Variants in DR1 observed in about 807,000 individuals in gnomAD.
The protein encoded by DR1 is protein Dr1.
DR1 carries 7 observed loss-of-function variants against 19.9 expected under a neutral mutation model. That is an observed-to-expected ratio of 0.35 (90% CI 0.20 to 0.66). The LOEUF (loss-of-function observed/expected upper bound fraction) is 0.66, where lower values mean the gene tolerates loss of function less well. Ranked by LOEUF, DR1 falls within the 30% of genes least tolerant of loss-of-function variation. The pLI, the probability that DR1 is intolerant of heterozygous loss-of-function variation, is 0.66. For synonymous variants in DR1, 76 were observed against 72.5 expected, an observed-to-expected ratio of 1.05 and a Z score of -0.24; for missense variants, 98 against 203.7, an observed-to-expected ratio of 0.48 and a Z score of 3.16.
At chr1:93,352,214 C>T (rs999351185) in intron 1 of DR1, among the ~76,000 whole-genome samples, 3 of 152,254 alleles carry the variant, frequency 2.0e-5, no homozygotes, top group East Asian at 1.9e-4. Flanking sequence ...GGACTACAGG[C>T]GCCTGCCACC....
Position 93,354,001 on chromosome 1 carries a change from G to A in DR1, c.314G>A (p.Ser105Asn). ...GTAGCATTAAAAAGAAGAAAGGCCA[G>A]TTCTCGTTTGGAAAACCTTGGCATT... is the stretch of plus-strand genomic sequence containing the variant. ...KTVALKRRKA[S>N]SRLENLGIPE... is the part of the protein sequence containing the mutation. The change falls in exon 2 of 3, where the codon AGT becomes AAT. Residue 105 changes from serine to asparagine, a missense_variant. Transcript: ENST00000370272. 1 of 1,613,850 alleles carries A rather than the reference G, an allele frequency of 6.2e-7. No individual in the cohort carries two copies. Among genetic ancestry groups the A allele is most frequent in the Non-Finnish European group, 8.5e-7 (1 of 1,179,848 alleles).
Position 93,360,969 on chromosome 1 carries a change from C to A in DR1, c.*330C>A. On this transcript the variant is annotated 3_prime_UTR_variant, in exon 3 of 3. Coordinates refer to ENST00000370272, the MANE Select transcript of DR1 (RefSeq NM_001938.3). ...TTATAAAAATACAGTGAAATTTCTACAAAGCTCTAAATCTGCATTTGCATT... is the reference window on the plus strand; with the variant it reads ...TTATAAAAATACAGTGAAATTTCTAAAAAGCTCTAAATCTGCATTTGCATT... 1 of 177,708 alleles carries A rather than the reference C, an allele frequency of 5.6e-6. No homozygotes were observed. Among genetic ancestry groups the A allele is most frequent in the Non-Finnish European group, 1.2e-5 (1 of 85,324 alleles). 11.0% of individuals were successfully genotyped at this position (177,708 alleles called of 1,614,324 possible).
intron 1 of DR1, among the ~76,000 whole-genome samples, chr1:93,352,359 C>T (rs949068678): frequency 9.2e-5 from 14 of 152,134 alleles, no homozygotes; most frequent in Non-Finnish European, 1.3e-4. Flanking sequence ...CGTGAGCCAC[C>T]GTGCCTGGCC....
chr1:93,363,966 C>T lies in DR1; in HGVS notation c.*3327C>T, dbSNP rs1424552127. The T allele has an allele frequency of 6.6e-6, 1 of 152,120 alleles. No individual in the cohort carries two copies. Among genetic ancestry groups the T allele is most frequent in the Non-Finnish European group, 1.5e-5 (1 of 68,028 alleles). The allele number at this position is 152,120 out of a possible 1,614,324, so 9.4% of individuals were successfully genotyped here. A position where few individuals can be genotyped will look rare whatever the true frequency, so the allele number is the denominator to read the frequency against. On this transcript the variant is annotated 3_prime_UTR_variant, in exon 3 of 3. Coordinates refer to ENST00000370272, the MANE Select transcript of DR1 (RefSeq NM_001938.3). ...TAGTACTGTGTAGAACATTCTTATA[C>T]ATGTCTTTTGGTGAGTGTATACATT...
At chr1:93,352,804 A>G (rs1666931904) in intron 1 of DR1, among the ~76,000 whole-genome samples, 1 of 152,164 alleles carries the variant, frequency 6.6e-6, no homozygotes, top group Admixed American at 6.5e-5. Flanking sequence ...TACCAAAACT[A>G]TAAAATATAA....
intron 2 of DR1, among the ~76,000 whole-genome samples, chr1:93,356,817 G>A (rs972018217): frequency 1.3e-5 from 2 of 151,746 alleles, no homozygotes; most frequent in African/African-American, 4.8e-5. Flanking sequence ...CGCCTCCCGG[G>A]TTCAAGCGAT....
At chr1:93,348,532 A>G (rs1455677754) in intron 1 of DR1, among the ~76,000 whole-genome samples, 1 of 152,008 alleles carries the variant, frequency 6.6e-6, no homozygotes, top group Non-Finnish European at 1.5e-5. Flanking sequence ...TCTTGGGGAG[A>G]GTTGATTCTT....
intron 2 of DR1, among the ~76,000 whole-genome samples, chr1:93,357,800 C>T (rs1355604842): frequency 1.3e-5 from 2 of 152,132 alleles, no homozygotes; most frequent in Non-Finnish European, 2.9e-5. Flanking sequence ...CCTACACCAG[C>T]ACCACCCTAC....
rs761551977 is a variant in DR1, at chr1:93,366,292, C to T, written c.*5653C>T. ...AAATACCGTATTTTGTTTATCAGTT[C>T]ATCCATTAATGGACACTGGGTTGCT... is the stretch of plus-strand genomic sequence containing the variant. On this transcript the variant is annotated 3_prime_UTR_variant, in exon 3 of 3. Transcript: ENST00000370272. 1 of 152,170 alleles carries T rather than the reference C, an allele frequency of 6.6e-6. No individual in the cohort carries two copies. The highest frequency in any genetic ancestry group is 1.5e-5 in the Non-Finnish European group (1 of 68,020). 9.4% of individuals were successfully genotyped at this position (152,170 alleles called of 1,614,324 possible).
rs1331101462 is a variant in DR1, at chr1:93,348,304, TTGTA to T, written c.220+1443_220+1446del. On this transcript the variant is annotated intron_variant, in intron 1 of 2. Transcript: ENST00000370272. ...TTTCCCTTGTGTATTTATTTTTACA[TTGTA>T]TGTGTGATTGCTGTCATAAGTCTTT... is the stretch of plus-strand genomic sequence containing the variant. Among the ~76,000 whole-genome samples the T allele has an allele frequency of 2.6e-5, 4 of 152,120 alleles. No homozygotes were observed. The East Asian group carries it at 7.7e-4, about 29-fold the overall frequency.
rs1667205430 is a variant in DR1 at position 93,369,247 on chromosome 1, T to C, written c.*8608T>C. ...AGAACTTTTTTCCCCAAAAATACTC[T>C]GGAAATACTGGAACAAATACTAAAA... On this transcript the variant is annotated 3_prime_UTR_variant, in exon 3 of 3. Transcript: ENST00000370272. 6.6e-6 allele frequency: 1 copy of C among 152,122 alleles called. No individual in the cohort carries two copies. Among genetic ancestry groups the C allele is most frequent in the Non-Finnish European group, 1.5e-5 (1 of 68,014 alleles). 9.4% of individuals were successfully genotyped at this position (152,122 alleles called of 1,614,324 possible).
At chr1:93,352,291 C>T (rs529669833) in intron 1 of DR1, among the ~76,000 whole-genome samples, 7 of 152,216 alleles carry the variant, frequency 4.6e-5, no homozygotes, top group South Asian at 2.1e-4. Context: ...AGGATGGTCT[C>T]GATTTCCTGA....
chr1:93,346,944 GCCT>G, intron 1 of DR1, 79 bp downstream of exon 1: 1 of 1,269,848 alleles, frequency 7.9e-7, no homozygotes, highest in Non-Finnish European at 1.1e-6. Context: ...TCGTGTCAAA[GCCT>G]CCATTCCTCT....
At position 93,364,205 on chromosome 1, in the gene DR1, G is replaced by A. The variant is rs1667091813; in HGVS notation, c.*3566G>A. The A allele has an allele frequency of 6.6e-6, 1 of 152,186 alleles. No homozygotes were observed. Among genetic ancestry groups the A allele is most frequent in the African/African-American group, 2.4e-5 (1 of 41,442 alleles). 9.4% of individuals were successfully genotyped at this position (152,186 alleles called of 1,614,324 possible). Reference sequence around the variant, plus strand: ...AAATGAGTTATATTGCAGCAGGTATGTTGTTAATTTCATATAACAGGAAAA... The same window carrying A: ...AAATGAGTTATATTGCAGCAGGTATATTGTTAATTTCATATAACAGGAAAA... On this transcript the variant is annotated 3_prime_UTR_variant, in exon 3 of 3. Coordinates refer to ENST00000370272, the MANE Select transcript of DR1 (RefSeq NM_001938.3).
At chr1:93,358,461 C>G (rs574224062) in intron 2 of DR1, among the ~76,000 whole-genome samples, 1 of 152,324 alleles carries the variant, frequency 6.6e-6, no homozygotes, top group South Asian at 2.1e-4. Context: ...GTAGCAGAGA[C>G]TGAACGCGGT....
At position 93,367,288 on chromosome 1, in the gene DR1, T is replaced by G. The variant is rs531280418; in HGVS notation, c.*6649T>G. 1.3e-5 allele frequency: 2 copies of G among 152,142 alleles called. No individual in the cohort carries two copies. The highest frequency in any genetic ancestry group is 1.5e-5 in the Non-Finnish European group (1 of 68,000). 9.4% of individuals were successfully genotyped at this position (152,142 alleles called of 1,614,324 possible). ...TTTTAAGGAGCACCTCCTACCACCA[T>G]GCAGTTCAAAAACAAAAAATAAGAA... On this transcript the variant is annotated 3_prime_UTR_variant, in exon 3 of 3. Coordinates refer to ENST00000370272, the MANE Select transcript of DR1 (RefSeq NM_001938.3).
In DR1 at chr1:93,369,023, T is replaced by G. The variant is rs1667203067; in HGVS notation, c.*8384T>G. ...AATTTTAAAAATAATATAACAATAT[T>G]TATATATCATTTACATTATGTTAGA... On this transcript the variant is annotated 3_prime_UTR_variant, in exon 3 of 3. Coordinates refer to ENST00000370272, the MANE Select transcript of DR1 (RefSeq NM_001938.3). 1 of 152,062 alleles carries G rather than the reference T, an allele frequency of 6.6e-6. No individual in the cohort carries two copies. Among genetic ancestry groups the G allele is most frequent in the Non-Finnish European group, 1.5e-5 (1 of 67,992 alleles). 9.4% of individuals were successfully genotyped at this position (152,062 alleles called of 1,614,324 possible).
rs1553198468 is a variant in DR1 at position 93,361,044 on chromosome 1, G to GA, written c.*405_*406insA. Reference sequence around the variant, plus strand: ...AAACTTGTGAATTTTAAATTATTAAGGGGGGGGTGCTGTGTGAATCAGTAG... The same window carrying GA: ...AAACTTGTGAATTTTAAATTATTAAGAGGGGGGGTGCTGTGTGAATCAGTAG... On this transcript the variant is annotated 3_prime_UTR_variant, in exon 3 of 3. Coordinates refer to ENST00000370272, the MANE Select transcript of DR1 (RefSeq NM_001938.3). 36 of 55,866 alleles carry GA rather than the reference G, an allele frequency of 6.4e-4. No individual in the cohort carries two copies. In the South Asian group the frequency reaches 0.014, roughly 21 times the overall value. 3.5% of individuals were successfully genotyped at this position (55,866 alleles called of 1,614,324 possible).
rs769209950 is a variant in DR1 at position 93,354,017 on chromosome 1, C to T, written c.330C>T (p.Asn110=). ...GAAAGGCCAGTTCTCGTTTGGAAAACCTTGGCATTCCTGAAGAAGAGTTAT... is the reference window on the plus strand; with the variant it reads ...GAAAGGCCAGTTCTCGTTTGGAAAATCTTGGCATTCCTGAAGAAGAGTTAT... ...KRRKASSRLE[N]LGIPEEELLR... Residue 110 remains asparagine (N), a synonymous_variant, in exon 2 of 3, where the codon AAC becomes AAT. Transcript: ENST00000370272. 1 of 1,613,818 alleles carries T rather than the reference C, an allele frequency of 6.2e-7. No individual in the cohort carries two copies.
Sources: gnomAD v4.1 joint callset for allele counts (sites outside exome capture counted in the v4.1 genomes callset) on GRCh38, gnomAD v4.1.1 for gene constraint, MANE v1.5 for transcripts, NCBI Gene and HGNC (gene_info 2026-07-23, HGNC 2026-07-21) for gene names.